The following CSNK1G3 variants were observed in gnomAD, a reference collection of about 807,000 sequenced individuals.
CSNK1G3 encodes casein kinase I isoform gamma-3.
A neutral mutation model predicts 64.3 loss-of-function variants in CSNK1G3; 23 were observed. The observed-to-expected ratio is 0.36, with a 90% CI of 0.26 to 0.51. CSNK1G3 has a LOEUF of 0.51. Ranked by LOEUF, CSNK1G3 falls within the 20% of genes least tolerant of loss-of-function variation. The pLI is 0.96. For synonymous variants in CSNK1G3, 158 were observed against 162.2 expected (o/e 0.97, Z 0.20); for missense variants, 357 against 510.5 (o/e 0.70, Z 2.90).
intron 1 of CSNK1G3, among the ~76,000 whole-genome samples, chr5:123,525,808 A>G (rs963697157): frequency 5.9e-5 from 9 of 151,924 alleles, no homozygotes; most frequent in African/African-American, 1.9e-4. Context: ...CCTGGCTAAC[A>G]TGGTGAAACC....
chr5:123,576,776 C>T lies in CSNK1G3; in HGVS notation c.673+813C>T, dbSNP rs111969576. On this transcript the variant is annotated intron_variant, in intron 6 of 12. Transcript: ENST00000345990. ...GGATCACTTGCTTGGACGATATCTG[C>T]CAAATTTCTCTACTGAAAAGTTTCT... Among the ~76,000 whole-genome samples, 976 of 152,158 alleles carry T rather than the reference C, an allele frequency of 6.4e-3. 10 individuals are homozygous for T. The highest frequency in any genetic ancestry group is 0.022 in the African/African-American group (913 of 41,534).
chr5:123,550,324 A>G (rs547206190), intron 2 of CSNK1G3, among the ~76,000 whole-genome samples: 2 of 152,316 alleles, frequency 1.3e-5, no homozygotes, highest in South Asian at 4.1e-4. Context: ...AGCTGTTTCC[A>G]TCTCCCAGCC....
chr5:123,616,601 T>A (rs940240819), exon 13 of CSNK1G3: 1 of 152,618 alleles, frequency 6.6e-6, no homozygotes, highest in African/African-American at 2.4e-5. Flanking sequence ...CAATAATAGG[T>A]AATGCAGGTA....
At chr5:123,588,388 A>G (rs561054689) in intron 7 of CSNK1G3, 39 bp from the exon 8 acceptor site, 1 of 1,497,636 alleles carries the variant, frequency 6.7e-7, no homozygotes, top group South Asian at 1.1e-5. Context: ...AATAATTTTT[A>G]AATTACCACA....
At chr5:123,543,489 G>A (rs1029757796) in intron 1 of CSNK1G3, among the ~76,000 whole-genome samples, 1 of 151,980 alleles carries the variant, frequency 6.6e-6, no homozygotes, top group Admixed American at 6.6e-5. Context: ...CTAGCCTTCT[G>A]CCCTACCACC....
intron 2 of CSNK1G3, among the ~76,000 whole-genome samples, chr5:123,552,413 G>A (rs145754172): frequency 2.8e-3 from 431 of 152,202 alleles, no homozygotes; most frequent in Non-Finnish European, 5.0e-3. Context: ...CAAAGTGTTG[G>A]GATTACAGGC....
At chr5:123,596,167 G>A (rs551497902) in intron 10 of CSNK1G3, among the ~76,000 whole-genome samples, 8 of 151,898 alleles carry the variant, frequency 5.3e-5, no homozygotes, top group Non-Finnish European at 1.2e-4. Context: ...AATTTTAGAG[G>A]TAATTTAAAT....
intron 1 of CSNK1G3, among the ~76,000 whole-genome samples, chr5:123,540,917 A>G (rs1301122954): frequency 6.6e-6 from 1 of 152,180 alleles, no homozygotes; most frequent in Non-Finnish European, 1.5e-5. Context: ...GCATGAGCCA[A>G]CAAGTCTGGC....
intron 2 of CSNK1G3, among the ~76,000 whole-genome samples, chr5:123,548,627 G>T (rs970187968): frequency 6.6e-6 from 1 of 151,990 alleles, no homozygotes; most frequent in African/African-American, 2.4e-5. Context: ...GTGTGGTGGG[G>T]CATGCCTGTA....
chr5:123,602,315 A>T (rs1794640674), intron 10 of CSNK1G3, among the ~76,000 whole-genome samples: 1 of 152,190 alleles, frequency 6.6e-6, no homozygotes, highest in African/African-American at 2.4e-5. Context: ...TGTAGATATT[A>T]ATACTTTCCT....
rs570657353 is a variant in CSNK1G3 at position 123,556,610 on chromosome 5, A to G, written c.220-885A>G. ...GTATTCTCTTATTTTTCAAAGTTCT[A>G]TTGATTCTTTTTGAAATTTTCTATT... On this transcript the variant is annotated intron_variant, in intron 3 of 12. Transcript: ENST00000345990. 3.9e-5 allele frequency among the ~76,000 whole-genome samples: 6 copies of G among 152,040 alleles called. No homozygotes were observed. The East Asian group carries it at 9.6e-4, about 24-fold the overall frequency.
At chr5:123,561,465 A>G (rs999232924) in intron 4 of CSNK1G3, among the ~76,000 whole-genome samples, 4 of 152,190 alleles carry the variant, frequency 2.6e-5, no homozygotes, top group Non-Finnish European at 5.9e-5. Flanking sequence ...AGCTTAAACA[A>G]GTAAAGGGAT....
intron 1 of CSNK1G3, among the ~76,000 whole-genome samples, chr5:123,522,320 G>T (rs1778254545): frequency 6.6e-6 from 1 of 151,982 alleles, no homozygotes; most frequent in African/African-American, 2.4e-5. Context: ...GGCTAACACG[G>T]TGAAATCCTG....
intron 1 of CSNK1G3, among the ~76,000 whole-genome samples, chr5:123,530,141 A>G (rs1044518640): frequency 1.3e-5 from 2 of 152,052 alleles, no homozygotes; most frequent in African/African-American, 4.8e-5. Context: ...CTATTGAGAC[A>G]TATGGGCTAT....
intron 9 of CSNK1G3, 86 bp downstream of exon 9, chr5:123,590,644 A>C (rs1362703653): frequency 1.2e-6 from 1 of 838,390 alleles, no homozygotes; most frequent in Non-Finnish European, 1.7e-6. Context: ...AGAGTTGAGA[A>C]CAAATAGTTG....
intron 10 of CSNK1G3, among the ~76,000 whole-genome samples, chr5:123,597,968 C>A (rs549803063): frequency 3.3e-5 from 5 of 152,088 alleles, no homozygotes; most frequent in Non-Finnish European, 7.4e-5. Context: ...TTTTATTGAT[C>A]TCTGGGAAGT....
intron 1 of CSNK1G3, among the ~76,000 whole-genome samples, chr5:123,527,790 T>G (rs2150057086): frequency 6.6e-6 from 1 of 152,332 alleles, no homozygotes; most frequent in African/African-American, 2.4e-5. Flanking sequence ...ATAGATAAAT[T>G]AGAAATACTG....
chr5:123,552,142 T>C (rs1331645972), intron 2 of CSNK1G3, among the ~76,000 whole-genome samples: 1 of 132,170 alleles, frequency 7.6e-6, no homozygotes. Flanking sequence ...TATAAAACGT[T>C]ATGATCCTAA....
At chr5:123,536,805 A>G (rs969739396) in intron 1 of CSNK1G3, among the ~76,000 whole-genome samples, 1 of 152,132 alleles carries the variant, frequency 6.6e-6, no homozygotes, top group South Asian at 2.1e-4. Flanking sequence ...TCAAAAGAAG[A>G]TACACACATG....
Sources: gnomAD v4.1 joint callset for allele counts (sites outside exome capture counted in the v4.1 genomes callset) on GRCh38, gnomAD v4.1.1 for gene constraint, MANE v1.5 for transcripts, NCBI Gene and HGNC (gene_info 2026-07-23, HGNC 2026-07-21) for gene names.